TBX4: variants seen among roughly 807,000 people sequenced by gnomAD.
TBX4 encodes T-box transcription factor 4.
TBX4 carries 13 observed loss-of-function variants against 54.6 expected under a neutral mutation model. The ratio of observed to expected loss-of-function variants is 0.24; its 90% CI spans 0.15 to 0.38. The LOEUF (loss-of-function observed/expected upper bound fraction) is 0.38. TBX4 is among the 10% of genes least tolerant of loss of function. The pLI is 1.00. For synonymous variants in TBX4, 314 were observed against 306.7 expected (o/e 1.02, Z -0.25); for missense variants, 631 against 728.5 (o/e 0.87, Z 1.54).
intron 3 of TBX4, among the ~76,000 whole-genome samples, chr17:61,458,075 C>T (rs888321729): frequency 1.3e-5 from 2 of 151,986 alleles, no homozygotes; most frequent in African/African-American, 4.8e-5. Context: ...GTGAGTGACT[C>T]GAACCCCAAG....
In TBX4 at chr17:61,483,325, C is replaced by T. The variant is rs749007884; in HGVS notation, c.1450C>T (p.Arg484Ter). ...CAATCAGCTCTCCCAGTCTCAGGTC[C>T]GAGAGCGGGGGCCCAGCGCCTCATT... ...VYNQLSQSQV[R>*]ERGPSASFPR... Residue 484 changes from arginine to a stop codon, truncating the protein, a stop_gained, in exon 9 of 9, where the codon CGA (arginine) becomes TGA (stop). Transcript: ENST00000644296. LOFTEE classifies it high-confidence loss of function. The surrounding 1 kb of genome is among the most constrained non-coding windows in gnomAD (Gnocchi z 6.6). The T allele has an allele frequency of 8.1e-6, 13 of 1,610,460 alleles. No individual in the cohort carries two copies. The highest frequency in any genetic ancestry group is 2.2e-5 in the South Asian group (2 of 90,964).
At chr17:61,458,015 C>A (rs1375510920) in intron 3 of TBX4, among the ~76,000 whole-genome samples, 1 of 152,158 alleles carries the variant, frequency 6.6e-6, no homozygotes, top group African/African-American at 2.4e-5. Context: ...TGCCTCTCAG[C>A]AGATGGGGAG....
Position 61,456,484 on chromosome 17 carries a change from G to A in TBX4, c.-3-4G>A, listed in dbSNP as rs750615061. 5.1e-6 allele frequency: 8 copies of A among 1,566,498 alleles called. No individual in the cohort carries two copies. Among genetic ancestry groups the A allele is most frequent in the Middle Eastern group, 3.3e-4 (2 of 5,990 alleles). ...GAGTGACTCGTTGTGTGCTGTGCCCGCAGGAGATGCTGCAGGATAAGGGCC... is the reference window on the plus strand; with the variant it reads ...GAGTGACTCGTTGTGTGCTGTGCCCACAGGAGATGCTGCAGGATAAGGGCC... On this transcript the variant is annotated splice_polypyrimidine_tract_variant and splice_region_variant and intron_variant, in intron 1 of 8. Coordinates refer to ENST00000644296, the MANE Select transcript of TBX4 (RefSeq NM_001321120.2).
At chr17:61,468,051 C>T (rs934839111) in intron 5 of TBX4, among the ~76,000 whole-genome samples, 2 of 152,200 alleles carry the variant, frequency 1.3e-5, no homozygotes, top group Non-Finnish European at 2.9e-5. Flanking sequence ...GCTTCAGTTC[C>T]CCAAAATCTT....
In TBX4 at chr17:61,456,477, T is replaced by A; in HGVS notation, c.-3-11T>A. On this transcript the variant is annotated splice_polypyrimidine_tract_variant and intron_variant, in intron 1 of 8. Coordinates refer to ENST00000644296, the MANE Select transcript of TBX4 (RefSeq NM_001321120.2). The stretch of plus-strand genomic sequence containing the variant: ...CCTGGGCGAGTGACTCGTTGTGTGC[T>A]GTGCCCGCAGGAGATGCTGCAGGAT... 1 of 1,563,942 alleles carries A rather than the reference T, an allele frequency of 6.4e-7. No individual in the cohort carries two copies.
rs1023116317 is a variant in TBX4 at position 61,472,600 on chromosome 17, A to G, written c.549+4943A>G. ...TGGTTTTGCCTGTAGTGATATTCCC[A>G]CACCGATGCTTTTGATTGAATTGAC... On this transcript the variant is annotated intron_variant, in intron 5 of 8. Transcript: ENST00000644296. The surrounding 1 kb of genome is among the most constrained non-coding windows in gnomAD (Gnocchi z 4.5). 1.3e-5 allele frequency among the ~76,000 whole-genome samples: 2 copies of G among 152,180 alleles called. No individual in the cohort carries two copies. The highest frequency in any genetic ancestry group is 2.4e-5 in the African/African-American group (1 of 41,426).
chr17:61,456,545 C>G lies in TBX4; in HGVS notation c.55C>G (p.Pro19Ala). Residue 19 changes from proline (P) to alanine (A), a missense_variant, in exon 2 of 9, where the codon CCA (proline) becomes GCA (alanine). Coordinates refer to ENST00000644296, the MANE Select transcript of TBX4 (RefSeq NM_001321120.2). ...CGAGGAGGCCTTCCGGGCCCCGGGCCCAGCGCTCGGAGAGGCCAGCGCAGC... is the reference window on the plus strand; with the variant it reads ...CGAGGAGGCCTTCCGGGCCCCGGGCGCAGCGCTCGGAGAGGCCAGCGCAGC... ...ESEEAFRAPG[P>A]ALGEASAANA... The G allele has an allele frequency of 6.4e-7, 1 of 1,555,652 alleles. No individual in the cohort carries two copies. Among genetic ancestry groups the G allele is most frequent in the South Asian group, 1.2e-5 (1 of 84,386 alleles).
chr17:61,457,064 C>G lies in TBX4; in HGVS notation c.186+388C>G, dbSNP rs565074653. On this transcript the variant is annotated intron_variant, in intron 2 of 8. Transcript: ENST00000644296. This position sits in a 1 kb window ranked among gnomAD's most constrained non-coding sequence, Gnocchi z 8.2. ...ACCCCGCCGGTGCGCACGGGAGCCG[C>G]TGCGGGGATCCGAGGCCTCTGGGAC... Among the ~76,000 whole-genome samples the G allele has an allele frequency of 2.0e-4, 31 of 152,328 alleles. No individual in the cohort carries two copies. The highest frequency in any genetic ancestry group is 7.0e-4 in the African/African-American group (29 of 41,586).
chr17:61,468,816 C>T (rs1270520677), intron 5 of TBX4, among the ~76,000 whole-genome samples: 1 of 152,212 alleles, frequency 6.6e-6, no homozygotes, highest in Non-Finnish European at 1.5e-5. Flanking sequence ...GTTCCCACCT[C>T]CCCGAGCCCC....
At position 61,480,330 on chromosome 17, in the gene TBX4, C is replaced by T. The variant is rs749807014; in HGVS notation, c.1021+11C>T. Reference sequence around the variant, plus strand: ...GCCTGAAAAGACGAGGTAGGGCTCTCCTGGTCTAGAAGCCCTAGAGGGTAA... The same window carrying T: ...GCCTGAAAAGACGAGGTAGGGCTCTTCTGGTCTAGAAGCCCTAGAGGGTAA... On this transcript the variant is annotated intron_variant, in intron 8 of 8. Coordinates refer to ENST00000644296, the MANE Select transcript of TBX4 (RefSeq NM_001321120.2). This position sits in a 1 kb window ranked among gnomAD's most constrained non-coding sequence, Gnocchi z 6.2. The T allele has an allele frequency of 6.2e-7, 1 of 1,609,896 alleles. No individual in the cohort carries two copies. The highest frequency in any genetic ancestry group is 1.3e-5 in the African/African-American group (1 of 74,878).
At chr17:61,466,967 G>A (rs995401416) in intron 4 of TBX4, among the ~76,000 whole-genome samples, 5 of 152,126 alleles carry the variant, frequency 3.3e-5, no homozygotes, top group African/African-American at 1.2e-4. Flanking sequence ...GACCAGCCTG[G>A]GTAATATAGT....
intron 5 of TBX4, among the ~76,000 whole-genome samples, chr17:61,477,956 A>AG (rs1239026360): frequency 8.5e-4 from 129 of 151,640 alleles, no homozygotes; most frequent in Admixed American, 1.7e-3. Flanking sequence ...AAAAAAAAAA[A>AG]AAAGAAAAAG....
Position 61,480,726 on chromosome 17 carries a change from G to C in TBX4, c.1021+407G>C, listed in dbSNP as rs2060658036. ...GTTTGTCAAAGCAACCTCAATTCCAGAACAGGGAGGACTTGGTGTCTCACG... is the reference window on the plus strand; with the variant it reads ...GTTTGTCAAAGCAACCTCAATTCCACAACAGGGAGGACTTGGTGTCTCACG... On this transcript the variant is annotated intron_variant, in intron 8 of 8. Transcript: ENST00000644296. This position sits in a 1 kb window ranked among gnomAD's most constrained non-coding sequence, Gnocchi z 6.2. Among the ~76,000 whole-genome samples the C allele has an allele frequency of 6.6e-6, 1 of 152,208 alleles. No individual in the cohort carries two copies. The highest frequency in any genetic ancestry group is 1.5e-5 in the Non-Finnish European group (1 of 68,040).
Position 61,478,808 on chromosome 17 carries a change from C to A in TBX4, c.702+29C>A. On this transcript the variant is annotated intron_variant, in intron 6 of 8. Coordinates refer to ENST00000644296, the MANE Select transcript of TBX4 (RefSeq NM_001321120.2). The surrounding 1 kb of genome is among the most constrained non-coding windows in gnomAD (Gnocchi z 7.4). ...CAGCCACTGCCCCACTGCCCCACAG[C>A]CCCACTTAACACCACCCTGCGTTCT... The A allele has an allele frequency of 6.2e-7, 1 of 1,614,110 alleles. No individual in the cohort carries two copies. Among genetic ancestry groups the A allele is most frequent in the Non-Finnish European group, 8.5e-7 (1 of 1,179,994 alleles).
In TBX4 at chr17:61,483,655, TAC is replaced by T; in HGVS notation, c.*142_*143del. On this transcript the variant is annotated 3_prime_UTR_variant, in exon 9 of 9. Coordinates refer to ENST00000644296, the MANE Select transcript of TBX4 (RefSeq NM_001321120.2). The surrounding 1 kb of genome is among the most constrained non-coding windows in gnomAD (Gnocchi z 6.6). ...GTGTGTGTGTGTGTGTGTGTGTGTA[TAC>T]ACGAGCATGTATGTATTTGGAGAGC... 4.7e-6 allele frequency: 5 copies of T among 1,075,234 alleles called. No individual in the cohort carries two copies. Among genetic ancestry groups the T allele is most frequent in the South Asian group, 2.8e-5 (2 of 71,620 alleles). The allele number at this position is 1,075,234 out of a possible 1,614,324, so 66.6% of individuals were successfully genotyped here.
chr17:61,456,483 C>T lies in TBX4; in HGVS notation c.-3-5C>T, dbSNP rs765350383. On this transcript the variant is annotated splice_polypyrimidine_tract_variant and splice_region_variant and intron_variant, in intron 1 of 8. Coordinates refer to ENST00000644296, the MANE Select transcript of TBX4 (RefSeq NM_001321120.2). ...CGAGTGACTCGTTGTGTGCTGTGCC[C>T]GCAGGAGATGCTGCAGGATAAGGGC... 56 of 1,566,420 alleles carry T rather than the reference C, an allele frequency of 3.6e-5. No homozygotes were observed. Among genetic ancestry groups the T allele is most frequent in the South Asian group, 1.8e-4 (15 of 84,948 alleles).
Position 61,479,830 on chromosome 17 carries a change from GA to G in TBX4, c.703-50del. Reference sequence around the variant, plus strand: ...TCCCATTTACAAATGTGGAAACTGAGACACATTTGTGTGCCTCACACTGGTG... The same window carrying G: ...TCCCATTTACAAATGTGGAAACTGAGCACATTTGTGTGCCTCACACTGGTG... On this transcript the variant is annotated intron_variant, in intron 6 of 8. Coordinates refer to ENST00000644296, the MANE Select transcript of TBX4 (RefSeq NM_001321120.2). The surrounding 1 kb of genome is among the most constrained non-coding windows in gnomAD (Gnocchi z 6.1). 6.4e-7 allele frequency: 1 copy of G among 1,567,394 alleles called. No homozygotes were observed. Among genetic ancestry groups the G allele is most frequent in the South Asian group, 1.1e-5 (1 of 90,034 alleles).
At position 61,478,469 on chromosome 17, in the gene TBX4, G is replaced by C; in HGVS notation, c.550-158G>C. ...GGGAGAGTTTGGGGCCCAGGGGCCT[G>C]GTTCTTCACTTGGGAGCTCCAGTCC... On this transcript the variant is annotated intron_variant, in intron 5 of 8. Transcript: ENST00000644296. The surrounding 1 kb of genome is among the most constrained non-coding windows in gnomAD (Gnocchi z 7.4). The C allele has an allele frequency of 1.0e-6, 1 of 966,460 alleles. No homozygotes were observed. The highest frequency in any genetic ancestry group is 1.6e-6 in the Non-Finnish European group (1 of 633,854). 59.9% of individuals were successfully genotyped at this position (966,460 alleles called of 1,614,324 possible). A position where few individuals can be genotyped will look rare whatever the true frequency, so the allele number is the denominator to read the frequency against.
chr17:61,457,779 C>T lies in TBX4; in HGVS notation c.281+148C>T, dbSNP rs1802611822. Reference sequence around the variant, plus strand: ...GCGTCAGTGCCACCTCCCTTCGCAGCTTGGGACTGGGCCGCCAAAGCCCGC... The same window carrying T: ...GCGTCAGTGCCACCTCCCTTCGCAGTTTGGGACTGGGCCGCCAAAGCCCGC... On this transcript the variant is annotated intron_variant, in intron 3 of 8. Transcript: ENST00000644296. This position sits in a 1 kb window ranked among gnomAD's most constrained non-coding sequence, Gnocchi z 8.2. The T allele has an allele frequency of 1.3e-6, 1 of 772,744 alleles. No homozygotes were observed. The highest frequency in any genetic ancestry group is 1.7e-5 in the South Asian group (1 of 57,460). 47.9% of individuals were successfully genotyped at this position (772,744 alleles called of 1,614,324 possible).
Sources: gnomAD v4.1 joint callset for allele counts (sites outside exome capture counted in the v4.1 genomes callset) on GRCh38, gnomAD v4.1.1 for gene constraint, Gnocchi (gnomAD v3.1) non-coding constraint, MANE v1.5 for transcripts, NCBI Gene and HGNC (gene_info 2026-07-23, HGNC 2026-07-21) for gene names.